ADAMTS19: variants seen among roughly 807,000 people sequenced by gnomAD.
The protein encoded by ADAMTS19 is ADAM metallopeptidase with thrombospondin type 1 motif 19.
ADAMTS19 carries 93 observed loss-of-function variants against 153.3 expected under a neutral mutation model. The ratio of observed to expected loss-of-function variants is 0.61; its 90% confidence interval spans 0.51 to 0.72. The LOEUF (loss-of-function observed/expected upper bound fraction) is 0.72. ADAMTS19 is among the 30% of genes least tolerant of loss of function. The pLI is 0.00. For synonymous variants in ADAMTS19, 600 were observed against 556.6 expected (o/e 1.08, Z -1.10); for missense variants, 1,482 against 1,552.1 (o/e 0.95, Z 0.76).
intron 21 of ADAMTS19, among the ~76,000 whole-genome samples, chr5:129,710,566 G>T (rs1372712874): frequency 6.6e-6 from 1 of 152,166 alleles, no homozygotes; most frequent in Non-Finnish European, 1.5e-5. Context: ...CAGTCAGGAT[G>T]GTGATATTAA....
chr5:129,711,722 T>C (rs974395978), intron 21 of ADAMTS19, among the ~76,000 whole-genome samples: 2 of 152,070 alleles, frequency 1.3e-5, no homozygotes, highest in African/African-American at 4.8e-5. Context: ...CAAAATTTTG[T>C]TCCATGGAGA....
rs1158253655 is a variant in ADAMTS19, at chr5:129,554,847, C to G, written c.1372+2940C>G. ...TCTCTATTGTTATTAAGAGAAAATG[C>G]TGGTAAACTGCTCTGTGACTTGTTA... On this transcript the variant is annotated intron_variant, in intron 7 of 22. Transcript: ENST00000274487. Among the ~76,000 whole-genome samples, 4 of 152,060 alleles carry G rather than the reference C, an allele frequency of 2.6e-5. No individual in the cohort carries two copies. The East Asian group carries it at 7.7e-4, about 29-fold the overall frequency.
chr5:129,483,987 C>G (rs73787516), intron 2 of ADAMTS19, among the ~76,000 whole-genome samples: 22 of 152,258 alleles, frequency 1.4e-4, no homozygotes, highest in African/African-American at 5.1e-4. Flanking sequence ...GACCAAGTTA[C>G]ACTCTCACTA....
At chr5:129,537,667 A>G (rs1752496440) in intron 6 of ADAMTS19, among the ~76,000 whole-genome samples, 1 of 152,000 alleles carries the variant, frequency 6.6e-6, no homozygotes. Flanking sequence ...TCAGCAAACT[A>G]TGGCAAGGAC....
intron 6 of ADAMTS19, among the ~76,000 whole-genome samples, chr5:129,535,344 C>T (rs910617463): frequency 2.0e-5 from 3 of 152,092 alleles, no homozygotes; most frequent in African/African-American, 7.2e-5. Flanking sequence ...CCTAGGAATC[C>T]AACTTACAAG....
chr5:129,648,978 C>G lies in ADAMTS19; in HGVS notation c.2176+8C>G. On this transcript the variant is annotated splice_region_variant and intron_variant, in intron 13 of 22. Coordinates refer to ENST00000274487, the MANE Select transcript of ADAMTS19 (RefSeq NM_133638.6). Reference sequence around the variant, plus strand: ...AAGCTGTCCTGGATGAAGGTATGACCAACCAGATCACCACCATCTTTGTTA... The same window carrying G: ...AAGCTGTCCTGGATGAAGGTATGACGAACCAGATCACCACCATCTTTGTTA... 1 of 1,577,446 alleles carries G rather than the reference C, an allele frequency of 6.3e-7. No individual in the cohort carries two copies. Among genetic ancestry groups the G allele is most frequent in the Non-Finnish European group, 8.7e-7 (1 of 1,154,428 alleles).
chr5:129,499,674 G>T (rs1159095201), intron 2 of ADAMTS19, among the ~76,000 whole-genome samples: 4 of 152,054 alleles, frequency 2.6e-5, no homozygotes, highest in African/African-American at 9.7e-5. Flanking sequence ...CCCTCATGAA[G>T]CACACCATGA....
chr5:129,701,436 A>C lies in ADAMTS19; in HGVS notation c.3003A>C (p.Gly1001=), dbSNP rs1356812088. Residue 1001 remains glycine (G), a synonymous_variant, in exon 20 of 23, where the codon GGA becomes GGC. Coordinates refer to ENST00000274487, the MANE Select transcript of ADAMTS19 (RefSeq NM_133638.6). ...CTTGTTCACGAACTTGTGGAAAAGG[A>C]ATGCAGAGCAGACAAGTGGCCTGTA... ...WTPCSRTCGK[G]MQSRQVACTQ... 1.2e-6 allele frequency: 2 copies of C among 1,614,096 alleles called. No individual in the cohort carries two copies. The highest frequency in any genetic ancestry group is 1.7e-6 in the Non-Finnish European group (2 of 1,180,048).
At chr5:129,490,000 GAATT>G in intron 2 of ADAMTS19, among the ~76,000 whole-genome samples, 1 of 152,160 alleles carries the variant, frequency 6.6e-6, no homozygotes, top group African/African-American at 2.4e-5. Context: ...AGGTACTTTG[GAATT>G]AATTAAATTA....
intron 2 of ADAMTS19, among the ~76,000 whole-genome samples, chr5:129,478,204 A>T (rs1750289483): frequency 6.6e-6 from 1 of 152,194 alleles, no homozygotes; most frequent in East Asian, 1.9e-4. Flanking sequence ...AAATGAAATT[A>T]TATTTTATGG....
chr5:129,701,306 T>C lies in ADAMTS19; in HGVS notation c.2955-82T>C. ...AAATTGCCCAGTCTTGGGTATGTCT[T>C]TATTAGCAGTGTGAGAACAGACTAA... On this transcript the variant is annotated intron_variant, in intron 19 of 22. Coordinates refer to ENST00000274487, the MANE Select transcript of ADAMTS19 (RefSeq NM_133638.6). 3.4e-6 allele frequency: 5 copies of C among 1,490,956 alleles called. No homozygotes were observed. The South Asian group carries it at 6.1e-5, about 18-fold the overall frequency. The allele number at this position is 1,490,956 out of a possible 1,614,324, so 92.4% of individuals were successfully genotyped here.
rs940905039 is a variant in ADAMTS19 at position 129,478,254 on chromosome 5, A to AT, written c.747+16504dup. On this transcript the variant is annotated intron_variant, in intron 2 of 22. Coordinates refer to ENST00000274487, the MANE Select transcript of ADAMTS19 (RefSeq NM_133638.6). ...TGCTATGTAAGGGAAACCAATTGTG[A>AT]TTTTTTTGTCATTAATAAAATAATA... Among the ~76,000 whole-genome samples, 17 of 152,140 alleles carry AT rather than the reference A, an allele frequency of 1.1e-4. No individual in the cohort carries two copies. The East Asian group carries it at 3.1e-3, about 28-fold the overall frequency.
At chr5:129,493,677 G>A (rs1750841406) in intron 2 of ADAMTS19, among the ~76,000 whole-genome samples, 1 of 152,078 alleles carries the variant, frequency 6.6e-6, no homozygotes, top group East Asian at 1.9e-4. Context: ...TCTTAGATAA[G>A]AACATTAATG....
rs1298594085 is a variant in ADAMTS19 at position 129,461,530 on chromosome 5, C to A, written c.520C>A (p.Arg174=). 1.3e-5 allele frequency: 20 copies of A among 1,527,358 alleles called. No homozygotes were observed. The Admixed American group carries it at 3.0e-4, about 23-fold the overall frequency. 94.6% of individuals were successfully genotyped at this position (1,527,358 alleles called of 1,614,324 possible). A position where few individuals can be genotyped will look rare whatever the true frequency, so the allele number is the denominator to read the frequency against. Residue 174 remains arginine (R), a synonymous_variant, in exon 2 of 23, where the codon CGG becomes AGG. Coordinates refer to ENST00000274487, the MANE Select transcript of ADAMTS19 (RefSeq NM_133638.6). The surrounding 1 kb of genome is among the most constrained non-coding windows in gnomAD (Gnocchi z 4.6). ...AEPDGDEVLL[R]IPAFSRDLYL... ...GCCGGATGGCGACGAAGTGTTGCTG[C>A]GGATCCCGGCCTTCTCTCGGGACCT...
intron 21 of ADAMTS19, among the ~76,000 whole-genome samples, chr5:129,719,670 C>G (rs1756894189): frequency 1.3e-5 from 2 of 152,134 alleles, no homozygotes; most frequent in African/African-American, 4.8e-5. Context: ...GTAATTATCT[C>G]AATGCATATT....
intron 11 of ADAMTS19, among the ~76,000 whole-genome samples, chr5:129,642,824 T>C (rs1752854808): frequency 6.8e-6 from 1 of 146,042 alleles, no homozygotes; most frequent in Non-Finnish European, 1.5e-5. Context: ...CATATCGATT[T>C]GAAAAATGGA....
chr5:129,532,134 T>C (rs1033986912), intron 6 of ADAMTS19, among the ~76,000 whole-genome samples: 3 of 151,994 alleles, frequency 2.0e-5, no homozygotes, highest in African/African-American at 7.2e-5. Context: ...AAAGTACTAA[T>C]CAAGAAATAT....
chr5:129,536,439 T>C (rs1264757191), intron 6 of ADAMTS19, among the ~76,000 whole-genome samples: 1 of 152,082 alleles, frequency 6.6e-6, no homozygotes, highest in East Asian at 1.9e-4. Context: ...TGTGGAGAAA[T>C]AGGAACACTT....
At chr5:129,477,835 T>C (rs1249473919) in intron 2 of ADAMTS19, among the ~76,000 whole-genome samples, 1 of 152,196 alleles carries the variant, frequency 6.6e-6, no homozygotes, top group Admixed American at 6.5e-5. Context: ...GACTCTATAC[T>C]GGAACTGCAT....
Sources: gnomAD v4.1 joint callset for allele counts (sites outside exome capture counted in the v4.1 genomes callset) on GRCh38, gnomAD v4.1.1 for gene constraint, Gnocchi (gnomAD v3.1) non-coding constraint, MANE v1.5 for transcripts, NCBI Gene and HGNC (gene_info 2026-07-23, HGNC 2026-07-21) for gene names.